The following HTR1F variants were observed in gnomAD, a reference collection of about 807,000 sequenced individuals.
HTR1F encodes the protein 5-hydroxytryptamine (serotonin) receptor 1F, G protein-coupled.
Under a neutral mutation model 24.0 loss-of-function variants are expected in HTR1F, and 17 were observed. The ratio of observed to expected loss-of-function variants is 0.71; its 90% CI spans 0.48 to 1.06. The LOEUF is 1.06. HTR1F is among the 50% of genes least tolerant of loss of function. The probability of loss-of-function intolerance (pLI) is 0.00; values close to 1 mark genes in which losing one functional copy is unlikely to be tolerated. For synonymous variants in HTR1F, 186 were observed against 156.8 expected (o/e 1.19, Z -1.39); for missense variants, 391 against 427.8 (o/e 0.91, Z 0.76).
chr3:87,871,433 A>G (rs538390147), intron 2 of HTR1F, among the ~76,000 whole-genome samples: 1 of 152,196 alleles, frequency 6.6e-6, no homozygotes, highest in South Asian at 2.1e-4. Flanking sequence ...GTGGGAAAAT[A>G]TATACATTAC....
At chr3:87,924,195 TTC>T (rs2107384777) in intron 2 of HTR1F, among the ~76,000 whole-genome samples, 1 of 152,216 alleles carries the variant, frequency 6.6e-6, no homozygotes, top group African/African-American at 2.4e-5. Context: ...TCTTCAGGTT[TTC>T]TGTTTCTTCC....
intron 2 of HTR1F, among the ~76,000 whole-genome samples, chr3:87,885,527 C>T (rs1705916716): frequency 6.6e-6 from 1 of 152,008 alleles, no homozygotes; most frequent in African/African-American, 2.4e-5. Context: ...ACACAAAAAA[C>T]CCTTCAAAAA....
intron 2 of HTR1F, among the ~76,000 whole-genome samples, chr3:87,869,968 T>C (rs1484717572): frequency 6.6e-6 from 1 of 152,112 alleles, no homozygotes; most frequent in Admixed American, 6.6e-5. Context: ...ATTCTCAGTT[T>C]GCTAACCTAT....
chr3:87,821,935 G>C (rs1266584186), intron 1 of HTR1F, among the ~76,000 whole-genome samples, 73 bp from the exon 2 acceptor site: 1 of 152,138 alleles, frequency 6.6e-6, no homozygotes, highest in Non-Finnish European at 1.5e-5. Context: ...AGATCAGCCA[G>C]GGTATATTAC....
intron 2 of HTR1F, among the ~76,000 whole-genome samples, chr3:87,924,739 G>A (rs933161939): frequency 6.6e-6 from 1 of 152,120 alleles, no homozygotes; most frequent in African/African-American, 2.4e-5. Context: ...TCTGCTGTCA[G>A]TCTAATGAGG....
At chr3:87,960,054 A>G (rs1705028155) in intron 2 of HTR1F, among the ~76,000 whole-genome samples, 1 of 151,982 alleles carries the variant, frequency 6.6e-6, no homozygotes, top group Non-Finnish European at 1.5e-5. Context: ...AAAAACAATA[A>G]TTCTCAGCCT....
intron 2 of HTR1F, among the ~76,000 whole-genome samples, chr3:87,924,375 T>C (rs1214722340): frequency 6.6e-6 from 1 of 152,140 alleles, no homozygotes; most frequent in Non-Finnish European, 1.5e-5. Context: ...GCATAGCTTT[T>C]TTTCTTATTG....
intron 2 of HTR1F, among the ~76,000 whole-genome samples, chr3:87,822,828 A>T (rs1704385565): frequency 6.6e-6 from 1 of 152,204 alleles, no homozygotes; most frequent in South Asian, 2.1e-4. Context: ...TGGGAACAGC[A>T]ATGGATTAAG....
At chr3:87,974,593 A>T (rs1705355175) in intron 2 of HTR1F, among the ~76,000 whole-genome samples, 1 of 152,128 alleles carries the variant, frequency 6.6e-6, no homozygotes, top group South Asian at 2.1e-4. Context: ...GAATGCGTTT[A>T]TCTCATCATA....
intron 2 of HTR1F, among the ~76,000 whole-genome samples, chr3:87,879,724 T>C (rs1223814427): frequency 1.3e-5 from 2 of 152,158 alleles, no homozygotes; most frequent in Non-Finnish European, 2.9e-5. Context: ...TTCCATAAAA[T>C]GAATATTTCA....
At chr3:87,913,652 T>C (rs149128427) in intron 2 of HTR1F, among the ~76,000 whole-genome samples, 1 of 152,092 alleles carries the variant, frequency 6.6e-6, no homozygotes, top group African/African-American at 2.4e-5. Flanking sequence ...GCACCACTAT[T>C]CACAATAACA....
intron 2 of HTR1F, among the ~76,000 whole-genome samples, chr3:87,850,667 G>T (rs1705065209): frequency 6.6e-6 from 1 of 151,658 alleles, no homozygotes; most frequent in South Asian, 2.1e-4. Context: ...CAAAAATTAA[G>T]TATGTCAATA....
chr3:87,825,568 G>A (rs529413657), intron 2 of HTR1F, among the ~76,000 whole-genome samples: 2 of 152,044 alleles, frequency 1.3e-5, no homozygotes, highest in East Asian at 3.9e-4. Context: ...TATCCAATTG[G>A]TCACTATATC....
intron 2 of HTR1F, among the ~76,000 whole-genome samples, chr3:87,927,852 CTAGT>C (rs1289554347): frequency 3.9e-5 from 6 of 152,018 alleles, no homozygotes; most frequent in African/African-American, 1.4e-4. Context: ...AATATTAATA[CTAGT>C]TAAATAATTT....
At chr3:87,834,091 G>T (rs2107160235) in intron 2 of HTR1F, among the ~76,000 whole-genome samples, 1 of 152,214 alleles carries the variant, frequency 6.6e-6, no homozygotes, top group Non-Finnish European at 1.5e-5. Flanking sequence ...CTATCTGATA[G>T]TACTGTTTGT....
chr3:87,922,547 G>A (rs536731638), intron 2 of HTR1F, among the ~76,000 whole-genome samples: 1 of 151,838 alleles, frequency 6.6e-6, no homozygotes, highest in Non-Finnish European at 1.5e-5. Context: ...TTTTGCTTTT[G>A]TTACCTGTAC....
chr3:87,944,842 A>C (rs1443053041), intron 2 of HTR1F, among the ~76,000 whole-genome samples: 1 of 152,160 alleles, frequency 6.6e-6, no homozygotes, highest in Admixed American at 6.5e-5. Context: ...TACGGGGTTA[A>C]AGATTTTAAT....
chr3:87,893,065 AT>A (rs1010982676), intron 2 of HTR1F, among the ~76,000 whole-genome samples: 1 of 152,026 alleles, frequency 6.6e-6, no homozygotes, highest in African/African-American at 2.4e-5. Flanking sequence ...CAGTTGATAA[AT>A]TTTTTTAATT....
chr3:87,947,598 A>G (rs1704738990), intron 2 of HTR1F, among the ~76,000 whole-genome samples: 1 of 152,194 alleles, frequency 6.6e-6, no homozygotes, highest in Non-Finnish European at 1.5e-5. Flanking sequence ...ATAGCATGGT[A>G]TGTAAAGGCT....
Sources: gnomAD v4.1 joint callset for allele counts (sites outside exome capture counted in the v4.1 genomes callset) on GRCh38, gnomAD v4.1.1 for gene constraint, MANE v1.5 for transcripts, NCBI Gene and HGNC (gene_info 2026-07-23, HGNC 2026-07-21) for gene names.